The following TRIM24 variants were observed in gnomAD, a reference collection of about 807,000 sequenced individuals.
TRIM24 encodes tripartite motif containing 24, also known as transcription intermediary factor 1-alpha.
In TRIM24, 29 loss-of-function variants were observed where a neutral mutation model predicts 123.9. That is an observed-to-expected ratio of 0.23 (90% CI 0.17 to 0.32). The LOEUF (loss-of-function observed/expected upper bound fraction) is 0.32. TRIM24 is among the 10% of genes least tolerant of loss of function. TRIM24 has a pLI of 1.00. For missense variants in TRIM24, 932 were observed against 1,295.3 expected (o/e 0.72, Z 4.31); for synonymous variants, 456 against 461.1 (o/e 0.99, Z 0.14).
intron 9 of TRIM24, among the ~76,000 whole-genome samples, chr7:138,565,985 T>G (rs996131356): frequency 6.6e-6 from 1 of 152,088 alleles, no homozygotes; most frequent in Admixed American, 6.5e-5. Flanking sequence ...TTGCTTAAGC[T>G]TGCTCTGAGG....
intron 1 of TRIM24, among the ~76,000 whole-genome samples, chr7:138,466,287 G>A (rs1795135192): frequency 6.6e-6 from 1 of 152,122 alleles, no homozygotes; most frequent in Non-Finnish European, 1.5e-5. Flanking sequence ...GAGCCACTGT[G>A]CCTGGCCTGT....
At chr7:138,490,736 GA>G in intron 1 of TRIM24, 1 of 485,192 alleles carries the variant, frequency 2.1e-6, no homozygotes. Flanking sequence ...CTTTTCTACT[GA>G]AAACATCATG....
intron 1 of TRIM24, among the ~76,000 whole-genome samples, chr7:138,487,203 T>G (rs1795667025): frequency 6.6e-6 from 1 of 152,244 alleles, no homozygotes; most frequent in African/African-American, 2.4e-5. Flanking sequence ...CCTGAGACTT[T>G]GCTGAAGTTG....
chr7:138,490,886 G>T, intron 1 of TRIM24: 1 of 440,184 alleles, frequency 2.3e-6, no homozygotes, highest in South Asian at 1.8e-5. Flanking sequence ...GGATTTGGCA[G>T]ACCTGTTGGT....
At chr7:138,481,639 TACAA>T (rs923319681) in intron 1 of TRIM24, among the ~76,000 whole-genome samples, 13 of 151,628 alleles carry the variant, frequency 8.6e-5, no homozygotes, top group Admixed American at 3.9e-4. Context: ...CTTATCTCAA[TACAA>T]ACAAACAAAC....
At chr7:138,506,547 G>A (rs1460156895) in intron 2 of TRIM24, among the ~76,000 whole-genome samples, 1 of 152,148 alleles carries the variant, frequency 6.6e-6, no homozygotes, top group African/African-American at 2.4e-5. Flanking sequence ...AATCAGATGG[G>A]ATATTCCTAT....
chr7:138,579,592 C>A, intron 15 of TRIM24, 60 bp downstream of exon 15: 1 of 1,422,310 alleles, frequency 7.0e-7, no homozygotes, highest in Non-Finnish European at 9.5e-7. Context: ...ATTATTTTAA[C>A]AGAAAGCCTT....
At position 138,562,352 on chromosome 7, in the gene TRIM24, C is replaced by A. The variant is rs537815441; in HGVS notation, c.1531-5129C>A. Among the ~76,000 whole-genome samples the A allele has an allele frequency of 9.2e-5, 14 of 152,250 alleles. No homozygotes were observed. In the South Asian group the frequency reaches 2.9e-3, roughly 32 times the overall value. ...AGACAGAAGAATGCATCTTTCAGGT[C>A]TAGGCAAGTAAACCAGGCAGCACTT... On this transcript the variant is annotated intron_variant, in intron 9 of 18. Coordinates refer to ENST00000343526, the MANE Select transcript of TRIM24 (RefSeq NM_015905.3).
chr7:138,539,066 T>C (rs1223403848), intron 7 of TRIM24, among the ~76,000 whole-genome samples: 2 of 152,200 alleles, frequency 1.3e-5, no homozygotes, highest in East Asian at 3.8e-4. Context: ...AAAATAAGGA[T>C]GATAGTGAAC....
chr7:138,486,072 G>T (rs1469269247), intron 1 of TRIM24, among the ~76,000 whole-genome samples: 1 of 152,156 alleles, frequency 6.6e-6, no homozygotes, highest in African/African-American at 2.4e-5. Context: ...GTTTTGATTT[G>T]TATTTCTCTG....
At chr7:138,564,864 G>A (rs1016613470) in intron 9 of TRIM24, among the ~76,000 whole-genome samples, 5 of 152,168 alleles carry the variant, frequency 3.3e-5, no homozygotes, top group African/African-American at 1.2e-4. Flanking sequence ...TTGTAATGGG[G>A]TGGGTTTTGA....
chr7:138,499,383 G>A (rs1399673860), intron 1 of TRIM24, among the ~76,000 whole-genome samples: 1 of 152,164 alleles, frequency 6.6e-6, no homozygotes, highest in Non-Finnish European at 1.5e-5. Flanking sequence ...ACATTTATAA[G>A]CACAACAGGT....
rs1797787247 is a variant in TRIM24, at chr7:138,577,567, T to A, written c.2235T>A (p.Asp745Glu). ...TTGTTATAGTGAAGCAAGAATCAGA[T>A]GAAGAATCTAGGCCTCAAAATGTAA... is the stretch of plus-strand genomic sequence containing the variant. ...FPVVIVKQES[D>E]EESRPQNANY... is the part of the protein sequence containing the mutation. Residue 745 changes from aspartate to glutamate, a missense_variant, in exon 14 of 19, where the codon GAT (aspartate) becomes GAA (glutamate). By Grantham distance (45) the Asp-to-Glu change is conservative (BLOSUM62 2). Coordinates refer to ENST00000343526, the MANE Select transcript of TRIM24 (RefSeq NM_015905.3). The A allele has an allele frequency of 2.5e-6, 4 of 1,607,420 alleles. No individual in the cohort carries two copies. The highest frequency in any genetic ancestry group is 3.4e-6 in the Non-Finnish European group (4 of 1,177,228).
intron 13 of TRIM24, 118 bp from the exon 14 acceptor site, chr7:138,577,302 A>G: frequency 1.4e-6 from 1 of 732,404 alleles, no homozygotes; most frequent in Non-Finnish European, 2.1e-6. Context: ...TTAATTGCTG[A>G]TGTTAACATA....
At chr7:138,584,721 A>T (rs1436775516) in intron 18 of TRIM24, 21 bp from the exon 19 acceptor site, 1 of 1,565,344 alleles carries the variant, frequency 6.4e-7, no homozygotes, top group Non-Finnish European at 8.6e-7. Context: ...TTTTTTACTC[A>T]TTTTTATTTT....
Position 138,516,799 on chromosome 7 carries a change from A to G in TRIM24, c.631+1440A>G, listed in dbSNP as rs904588745. Among the ~76,000 whole-genome samples the G allele has an allele frequency of 2.7e-5, 4 of 148,638 alleles. No homozygotes were observed. In the Admixed American group the frequency reaches 2.8e-4, roughly 10 times the overall value. On this transcript the variant is annotated intron_variant, in intron 3 of 18. Coordinates refer to ENST00000343526, the MANE Select transcript of TRIM24 (RefSeq NM_015905.3). The stretch of plus-strand genomic sequence containing the variant: ...CATGTAATAGCATGTATCAAAATGT[A>G]GCAAAACCGTTTTGTTTTTTTTTTT...
At chr7:138,545,163 CGTGTGT>C (rs3073156) in intron 7 of TRIM24, among the ~76,000 whole-genome samples, 190 of 149,478 alleles carry the variant, frequency 1.3e-3, no homozygotes, top group African/African-American at 4.4e-3. Context: ...ATAAAATCTG[CGTGTGT>C]GTGTGTGTGT....
intron 9 of TRIM24, among the ~76,000 whole-genome samples, chr7:138,555,857 G>C (rs1797305636): frequency 6.6e-6 from 1 of 152,114 alleles, no homozygotes. Flanking sequence ...TAACAGTTTA[G>C]GAGGGGGGCG....
In TRIM24 at chr7:138,460,450, G is replaced by C; in HGVS notation, c.-99G>C. The stretch of plus-strand genomic sequence containing the variant: ...GCTGGCGCTGCCGCGAGTCCACCGA[G>C]CGGCCTCTGAGGAGCAGCCGCAGGA... On this transcript the variant is annotated 5_prime_UTR_variant, in exon 1 of 19. Transcript: ENST00000343526. 1 of 1,192,608 alleles carries C rather than the reference G, an allele frequency of 8.4e-7. No individual in the cohort carries two copies. Among genetic ancestry groups the C allele is most frequent in the East Asian group, 3.2e-5 (1 of 31,268 alleles). The allele number at this position is 1,192,608 out of a possible 1,614,324, so 73.9% of individuals were successfully genotyped here.
Sources: allele counts gnomAD v4.1 joint callset (sites outside exome capture counted in the v4.1 genomes callset), GRCh38; gene constraint gnomAD v4.1.1; transcripts MANE v1.5; gene names NCBI Gene and HGNC (gene_info 2026-07-23, HGNC 2026-07-21).